ENTPD1: variants seen among roughly 807,000 people sequenced by gnomAD.
The protein encoded by ENTPD1 is ATP diphosphohydrolase.
Under a neutral mutation model 57.0 loss-of-function variants are expected in ENTPD1, and 33 were observed. The observed-to-expected ratio is 0.58, with a 90% CI of 0.44 to 0.77. The LOEUF is 0.77. Ranked by LOEUF, ENTPD1 falls within the 30% of genes least tolerant of loss-of-function variation. ENTPD1 has a pLI of 0.00. For missense variants in ENTPD1, 501 were observed against 603.4 expected (o/e 0.83, Z 1.78); for synonymous variants, 202 against 218.8 (o/e 0.92, Z 0.68).
chr10:95,804,299 T>C (rs2098263186), intron 1 of ENTPD1, among the ~76,000 whole-genome samples: 1 of 152,208 alleles, frequency 6.6e-6, no homozygotes. Flanking sequence ...TTGGGCAGCA[T>C]TGATTCTTCC....
At chr10:95,772,586 C>A (rs2098119276) in intron 1 of ENTPD1, among the ~76,000 whole-genome samples, 1 of 152,210 alleles carries the variant, frequency 6.6e-6, no homozygotes, top group Non-Finnish European at 1.5e-5. Context: ...ACTACTAATT[C>A]TAGTTCTCCT....
chr10:95,856,649 T>C (rs1162514648), intron 7 of ENTPD1, among the ~76,000 whole-genome samples: 1 of 102,412 alleles, frequency 9.8e-6, no homozygotes, highest in Non-Finnish European at 2.1e-5. Context: ...TATATATGTA[T>C]GCATATATAT....
chr10:95,860,124 A>G (rs928044160), intron 7 of ENTPD1, among the ~76,000 whole-genome samples: 12 of 152,208 alleles, frequency 7.9e-5, no homozygotes, highest in Admixed American at 2.0e-4. Context: ...CCAGTTGTTT[A>G]TATTTATTAA....
In ENTPD1 at chr10:95,860,466, T is replaced by C. The variant is rs749749708; in HGVS notation, c.1075-3T>C. The C allele has an allele frequency of 1.2e-5, 20 of 1,611,740 alleles. No homozygotes were observed. Among genetic ancestry groups the C allele is most frequent in the Non-Finnish European group, 6.8e-6 (8 of 1,178,572 alleles). On this transcript the variant is annotated splice_polypyrimidine_tract_variant and splice_region_variant and intron_variant, in intron 7 of 9. Transcript: ENST00000371205. ...AGCCTAAAACTGCGATTTTCTCTTG[T>C]AGGCATTTTCAGCTTTTTACTTTGT...
intron 8 of ENTPD1, among the ~76,000 whole-genome samples, chr10:95,863,850 G>A (rs1184326484): frequency 1.3e-5 from 2 of 152,220 alleles, no homozygotes; most frequent in South Asian, 2.1e-4. Flanking sequence ...AGGAGGGAAT[G>A]CCTATCTGAA....
chr10:95,719,046 G>C (rs1350755146), intron 1 of ENTPD1, among the ~76,000 whole-genome samples: 1 of 152,166 alleles, frequency 6.6e-6, no homozygotes, highest in African/African-American at 2.4e-5. Context: ...TGAGTATGCT[G>C]TTCACATCAT....
chr10:95,762,391 T>G (rs1416237528), intron 1 of ENTPD1, among the ~76,000 whole-genome samples: 1 of 62,850 alleles, frequency 1.6e-5, no homozygotes, highest in Admixed American at 2.1e-4. Context: ...TTCCTGGCAG[T>G]TTTTTTTTTT....
chr10:95,711,249 G>T (rs1157762434), upstream of ENTPD1, among the ~76,000 whole-genome samples: 3 of 152,180 alleles, frequency 2.0e-5, no homozygotes, highest in African/African-American at 7.2e-5. Context: ...AACCCATTCT[G>T]GAGAGGCTTC....
chr10:95,826,741 A>G (rs2098378561), intron 2 of ENTPD1, among the ~76,000 whole-genome samples: 1 of 152,106 alleles, frequency 6.6e-6, no homozygotes, highest in African/African-American at 2.4e-5. Context: ...CAGGTTGAGG[A>G]TTTCAGTTTT....
chr10:95,694,516 C>A, the ENTPD1 span, among the ~76,000 whole-genome samples: 2 of 150,130 alleles, frequency 1.3e-5, no homozygotes, highest in Non-Finnish European at 3.0e-5. Flanking sequence ...TGCATCAAAT[C>A]ATTAAAGATG....
chr10:95,788,092 TA>T (rs1167468659), intron 1 of ENTPD1, among the ~76,000 whole-genome samples: 1 of 152,210 alleles, frequency 6.6e-6, no homozygotes, highest in Non-Finnish European at 1.5e-5. Flanking sequence ...GGTTTAATTT[TA>T]ATTCAAAAGA....
At chr10:95,728,807 T>C (rs1256447107) in intron 1 of ENTPD1, among the ~76,000 whole-genome samples, 1 of 152,192 alleles carries the variant, frequency 6.6e-6, no homozygotes, top group Non-Finnish European at 1.5e-5. Context: ...CTACGGTGAA[T>C]TTTATGAAGT....
chr10:95,760,852 C>T (rs374138296), intron 1 of ENTPD1, among the ~76,000 whole-genome samples: 11 of 48,406 alleles, frequency 2.3e-4, no homozygotes, highest in African/African-American at 1.0e-3. Flanking sequence ...TTTTTTGAGA[C>T]GGAGTCTCGC....
chr10:95,794,549 GT>G (rs1400362469), intron 1 of ENTPD1, among the ~76,000 whole-genome samples: 11 of 152,302 alleles, frequency 7.2e-5, no homozygotes, highest in Non-Finnish European at 1.0e-4. Context: ...GGACCCCAGA[GT>G]TGGCATTTTT....
In ENTPD1 at chr10:95,851,230, GTATATT is replaced by G. The variant is rs559446430; in HGVS notation, c.1074+3540_1074+3545del. Among the ~76,000 whole-genome samples the G allele has an allele frequency of 2.2e-3, 340 of 151,814 alleles. 1 individual carries two copies. Among genetic ancestry groups the G allele is most frequent in the African/African-American group, 7.4e-3 (308 of 41,468 alleles). The stretch of plus-strand genomic sequence containing the variant: ...TTTACATATGTATACATAAATGTGT[GTATATT>G]TATATTTATATTTATTTATATTTAT... On this transcript the variant is annotated intron_variant, in intron 7 of 9. Transcript: ENST00000371205.
At chr10:95,694,895 A>ATTTTTT in the ENTPD1 span, among the ~76,000 whole-genome samples, 13 of 98,738 alleles carry the variant, frequency 1.3e-4, no homozygotes, top group African/African-American at 1.6e-4. Context: ...TGAGGAGCTG[A>ATTTTTT]TTTTTTTTTT....
rs539948670 is a variant in ENTPD1, at chr10:95,759,905, G to C, written c.16+3650G>C. On this transcript the variant is annotated intron_variant, in intron 1 of 9. Coordinates refer to ENST00000371205, the MANE Select transcript of ENTPD1 (RefSeq NM_001776.6). Reference sequence around the variant, plus strand: ...GGTTAAGGCCACACAGCTAATAATAGGCAGAGGGGAAATTTTGACTGATGT... The same window carrying C: ...GGTTAAGGCCACACAGCTAATAATACGCAGAGGGGAAATTTTGACTGATGT... Among the ~76,000 whole-genome samples, 29 of 152,298 alleles carry C rather than the reference G, an allele frequency of 1.9e-4. 2 individuals are homozygous for C. The South Asian group carries it at 5.8e-3, about 30-fold the overall frequency.
rs2098433202 is a variant in ENTPD1 at position 95,845,422 on chromosome 10, C to T, written c.639C>T (p.Asp213=). The T allele has an allele frequency of 6.2e-7, 1 of 1,614,000 alleles. No individual in the cohort carries two copies. Reference sequence around the variant, plus strand: ...ATCAGGAAACCTTTGGAGCTTTGGACCTTGGGGGAGCCTCTACACAAGTCA... The same window carrying T: ...ATCAGGAAACCTTTGGAGCTTTGGATCTTGGGGGAGCCTCTACACAAGTCA... The part of the protein sequence containing the change: ...TNNQETFGAL[D]LGGASTQVTF... The change falls in exon 6 of 10, where the codon GAC becomes GAT. Residue 213 remains aspartate, a synonymous_variant. Coordinates refer to ENST00000371205, the MANE Select transcript of ENTPD1 (RefSeq NM_001776.6).
At chr10:95,805,644 A>G (rs915548008) in intron 1 of ENTPD1, among the ~76,000 whole-genome samples, 5 of 151,984 alleles carry the variant, frequency 3.3e-5, no homozygotes, top group African/African-American at 1.2e-4. Context: ...GTTCCTTTCC[A>G]TGTTTAGTGC....
Sources: allele counts gnomAD v4.1 joint callset (sites outside exome capture counted in the v4.1 genomes callset), GRCh38; gene constraint gnomAD v4.1.1; transcripts MANE v1.5; gene names NCBI Gene and HGNC (gene_info 2026-07-23, HGNC 2026-07-21).